Variants in SPG21 observed in about 807,000 individuals in gnomAD.
SPG21 encodes maspardin.
SPG21 carries 26 observed loss-of-function variants against 38.9 expected under a neutral mutation model. The observed-to-expected ratio is 0.67, with a 90% CI of 0.49 to 0.93. The LOEUF (loss-of-function observed/expected upper bound fraction) is 0.93, where lower values mean the gene tolerates loss of function less well. Among genes scored for constraint, SPG21 ranks in the 40% least tolerant of loss-of-function variants. The pLI is 0.00. For missense variants in SPG21, 333 were observed against 376.5 expected, an observed-to-expected ratio of 0.88 and a Z score of 0.96; for synonymous variants, 136 against 128.9, an observed-to-expected ratio of 1.05 and a Z score of -0.37.
chr15:64,980,637 C>G (rs1395570468), intron 3 of SPG21, among the ~76,000 whole-genome samples: 3 of 151,898 alleles, frequency 2.0e-5, no homozygotes, highest in African/African-American at 7.3e-5. Context: ...ACTCGGGAGG[C>G]TGAGGCAGGA....
intron 7 of SPG21, among the ~76,000 whole-genome samples, chr15:64,967,599 G>A (rs954953283): frequency 1.8e-4 from 27 of 151,702 alleles, no homozygotes; most frequent in African/African-American, 5.1e-4. Context: ...TCAGCCTCCC[G>A]AATAGCTGGG....
At chr15:64,987,346 TCTGACCAA>T (rs1428854104) in intron 1 of SPG21, 1 of 152,210 alleles carries the variant, frequency 6.6e-6, no homozygotes, top group Non-Finnish European at 1.5e-5. Flanking sequence ...AAATGTTGCA[TCTGACCAA>T]CTGACGTCTA....
chr15:64,981,999 G>C (rs1270318410), intron 2 of SPG21, among the ~76,000 whole-genome samples: 2 of 152,122 alleles, frequency 1.3e-5, no homozygotes, highest in Non-Finnish European at 2.9e-5. Context: ...GCATCACTAG[G>C]AGCAGATAAA....
intron 1 of SPG21, among the ~76,000 whole-genome samples, chr15:64,983,972 T>TG (rs2085937326): frequency 1.3e-5 from 2 of 152,088 alleles, no homozygotes; most frequent in Admixed American, 1.3e-4. Flanking sequence ...TTAGTAGGGA[T>TG]GGGGGTTCAC....
intron 7 of SPG21, among the ~76,000 whole-genome samples, chr15:64,967,403 T>C (rs1397288902): frequency 6.6e-6 from 1 of 151,684 alleles, no homozygotes; most frequent in Non-Finnish European, 1.5e-5. Flanking sequence ...GCTCAGGTGA[T>C]CCTCCCACCT....
chr15:64,987,747 A>C (rs2086023662), intron 1 of SPG21, among the ~76,000 whole-genome samples: 1 of 152,164 alleles, frequency 6.6e-6, no homozygotes, highest in African/African-American at 2.4e-5. Context: ...AAAAACTGCC[A>C]GTTGTGGCTG....
At chr15:64,988,053 G>C (rs2086032464) in intron 1 of SPG21, among the ~76,000 whole-genome samples, 2 of 151,296 alleles carry the variant, frequency 1.3e-5, no homozygotes, top group South Asian at 2.1e-4. Flanking sequence ...AAACAAAACA[G>C]CAACAACAAC....
intron 5 of SPG21, among the ~76,000 whole-genome samples, chr15:64,971,808 G>A (rs2085671762): frequency 6.6e-6 from 1 of 152,166 alleles, no homozygotes; most frequent in Admixed American, 6.5e-5. Context: ...TCCAGCCTGG[G>A]CAACAGAGCG....
chr15:64,966,164 T>C (rs545308063), intron 7 of SPG21, among the ~76,000 whole-genome samples: 94 of 152,228 alleles, frequency 6.2e-4, no homozygotes, highest in African/African-American at 2.1e-3. Context: ...TTTAAAGCAA[T>C]AAACTAAGTC....
intron 6 of SPG21, among the ~76,000 whole-genome samples, chr15:64,969,681 G>GTT (rs1299155585): frequency 3.3e-4 from 13 of 38,918 alleles, no homozygotes; most frequent in Admixed American, 3.8e-4. Context: ...ACAGATATAT[G>GTT]TTTTTGTTTT....
At position 64,976,513 on chromosome 15, in the gene SPG21, C is replaced by T; in HGVS notation, c.268G>A (p.Gly90Arg). ...VYWDHLEFCDGFRKLLDHLQL... is the reference protein window; with the variant it reads ...VYWDHLEFCDRFRKLLDHLQL... ...AAATGGTCTAAAAGTTTTCTGAATC[C>T]ATCACAGAACTCGAGATGGTCCCAA... Residue 90 changes from glycine to arginine, a missense_variant, in exon 4 of 9, where the codon GGA (glycine) becomes AGA (arginine). Transcript: ENST00000204566. 1.2e-6 allele frequency: 2 copies of T among 1,613,114 alleles called. No homozygotes were observed. The highest frequency in any genetic ancestry group is 1.7e-6 in the Non-Finnish European group (2 of 1,179,278).
chr15:64,974,516 TA>T, intron 5 of SPG21, 85 bp downstream of exon 5: 1 of 1,504,662 alleles, frequency 6.6e-7, no homozygotes. Context: ...GAAGTAGATA[TA>T]AGTCTTCCCT....
Position 64,965,317 on chromosome 15 carries a change from T to C in SPG21, c.810+3A>G, listed in dbSNP as rs751245316. On this transcript the variant is annotated splice_donor_region_variant and intron_variant, in intron 8 of 8. Coordinates refer to ENST00000204566, the MANE Select transcript of SPG21 (RefSeq NM_016630.7). ...GTGCTCTGGGTTTCAAGCTAGGCCT[T>C]ACCTGTACATAAAGATTGACCTCTG... The C allele has an allele frequency of 1.5e-5, 24 of 1,614,126 alleles. No individual in the cohort carries two copies. The Admixed American group carries it at 3.8e-4, about 26-fold the overall frequency.
At chr15:64,978,970 G>A (rs2085835090) in intron 3 of SPG21, among the ~76,000 whole-genome samples, 1 of 152,132 alleles carries the variant, frequency 6.6e-6, no homozygotes. Context: ...CACTGCATGT[G>A]AATCTACAAT....
chr15:64,973,116 A>C (rs1440902665), intron 5 of SPG21, among the ~76,000 whole-genome samples: 2 of 152,106 alleles, frequency 1.3e-5, no homozygotes, highest in Non-Finnish European at 2.9e-5. Context: ...GGTGCATACC[A>C]TGATACCTGG....
intron 7 of SPG21, among the ~76,000 whole-genome samples, chr15:64,967,356 G>C (rs2085560074): frequency 6.6e-6 from 1 of 152,052 alleles, no homozygotes; most frequent in Non-Finnish European, 1.5e-5. Flanking sequence ...CTGTTGCCCA[G>C]GCTGGAACGC....
At chr15:64,965,216 A>C in intron 8 of SPG21, 104 bp downstream of exon 8, 2 of 1,465,028 alleles carry the variant, frequency 1.4e-6, no homozygotes, top group Non-Finnish European at 1.9e-6. Context: ...TTCTACAAGG[A>C]ATTCTGTAGT....
At chr15:64,980,267 C>T (rs1020519567) in intron 3 of SPG21, among the ~76,000 whole-genome samples, 8 of 152,198 alleles carry the variant, frequency 5.3e-5, no homozygotes, top group Middle Eastern at 3.4e-3. Context: ...CGCTTCCTAC[C>T]GCTCTGAGTT....
intron 2 of SPG21, chr15:64,983,160 A>G (rs901760506): frequency 7.3e-6 from 2 of 275,388 alleles, no homozygotes; most frequent in Non-Finnish European, 1.5e-5. Flanking sequence ...TGGCAGGTTG[A>G]GGCAGGAGAA....
Sources: gnomAD v4.1 joint callset for allele counts (sites outside exome capture counted in the v4.1 genomes callset) on GRCh38, gnomAD v4.1.1 for gene constraint, MANE v1.5 for transcripts, NCBI Gene and HGNC (gene_info 2026-07-23, HGNC 2026-07-21) for gene names.